The following FOXK1 variants were observed in gnomAD, a reference collection of about 807,000 sequenced individuals.
The protein encoded by FOXK1 is forkhead box K1.
In FOXK1, 19 loss-of-function variants were observed where a neutral mutation model predicts 51.9. That is an observed-to-expected ratio of 0.37 (90% CI 0.26 to 0.54). The LOEUF is 0.54. Ranked by LOEUF, FOXK1 falls within the 20% of genes least tolerant of loss-of-function variation. The pLI is 0.87. For missense variants in FOXK1, 870 were observed against 1,032.7 expected (o/e 0.84, Z 2.16); for synonymous variants, 537 against 482.6 (o/e 1.11, Z -1.48).
rs1780836074 is a variant in FOXK1, at chr7:4,755,555, A to G, written c.1050+172A>G. On this transcript the variant is annotated intron_variant, in intron 4 of 8. Coordinates refer to ENST00000328914, the MANE Select transcript of FOXK1 (RefSeq NM_001037165.2). This position sits in a 1 kb window ranked among gnomAD's most constrained non-coding sequence, Gnocchi z 6.6. Reference sequence around the variant, plus strand: ...GAGGATCAAGACCAGCCTGTGCAACATAGAGAGAACCTCTTTTCTACTAAA... The same window carrying G: ...GAGGATCAAGACCAGCCTGTGCAACGTAGAGAGAACCTCTTTTCTACTAAA... Among the ~76,000 whole-genome samples the G allele has an allele frequency of 6.6e-6, 1 of 152,170 alleles. No homozygotes were observed. Among genetic ancestry groups the G allele is most frequent in the African/African-American group, 2.4e-5 (1 of 41,442 alleles).
intron 2 of FOXK1, among the ~76,000 whole-genome samples, chr7:4,751,539 G>A (rs1391203064): frequency 6.6e-6 from 1 of 152,152 alleles, no homozygotes; most frequent in Non-Finnish European, 1.5e-5. Context: ...TGTGAGGCTC[G>A]AGCAGCCTCT....
At position 4,683,438 on chromosome 7, in the gene FOXK1, C is replaced by G. The variant is rs1397499731; in HGVS notation, c.560+570C>G. Among the ~76,000 whole-genome samples, 1 of 151,924 alleles carries G rather than the reference C, an allele frequency of 6.6e-6. No individual in the cohort carries two copies. Among genetic ancestry groups the G allele is most frequent in the African/African-American group, 2.4e-5 (1 of 41,382 alleles). On this transcript the variant is annotated intron_variant, in intron 1 of 8. Transcript: ENST00000328914. The surrounding 1 kb of genome is among the most constrained non-coding windows in gnomAD (Gnocchi z 4.5). ...CCCACTTCCTAGGCCCCCCCGGAGT[C>G]ACCCCTGACCGCTAACCCCACAAGC...
Position 4,740,909 on chromosome 7 carries a change from C to T in FOXK1, c.632C>T (p.Pro211Leu). 2 of 1,588,970 alleles carry T rather than the reference C, an allele frequency of 1.3e-6. No homozygotes were observed. The highest frequency in any genetic ancestry group is 8.6e-7 in the Non-Finnish European group (1 of 1,169,378). ...FTSLYHKEEA[P>L]ASPLRPLYPQ... is the part of the protein sequence containing the mutation. ...TCGCTCTATCACAAAGAAGAGGCCC[C>T]AGCCTCCCCGCTGCGGCCACTGTAC... is the stretch of plus-strand genomic sequence containing the variant. The change falls in exon 2 of 9, where the codon CCA (proline) becomes CTA (leucine). Residue 211 changes from proline to leucine, a missense_variant. By Grantham distance (98) the Pro-to-Leu change is moderately conservative. Around this residue, in one of 3 missense-constraint regions of FOXK1, gnomAD observed 399 missense variants for 475.6 expected, o/e 0.84. Coordinates refer to ENST00000328914, the MANE Select transcript of FOXK1 (RefSeq NM_001037165.2).
At chr7:4,739,441 T>C (rs945200774) in intron 1 of FOXK1, among the ~76,000 whole-genome samples, 1 of 152,186 alleles carries the variant, frequency 6.6e-6, no homozygotes, top group African/African-American at 2.4e-5. Flanking sequence ...TTTAACTGAG[T>C]CCCACAGTTA....
rs138574299 is a variant in FOXK1, at chr7:4,730,627, G to A, written c.561-10211G>A. Among the ~76,000 whole-genome samples the A allele has an allele frequency of 2.4e-3, 358 of 152,268 alleles. 1 individual carries two copies. The highest frequency in any genetic ancestry group is 7.5e-3 in the African/African-American group (310 of 41,552). On this transcript the variant is annotated intron_variant, in intron 1 of 8. Coordinates refer to ENST00000328914, the MANE Select transcript of FOXK1 (RefSeq NM_001037165.2). The surrounding 1 kb of genome is among the most constrained non-coding windows in gnomAD (Gnocchi z 4.7). ...TTTCCAAAGCCGCCACACTTGAGAC[G>A]TCCTTGCTGCGGGTTCGTCTGTAAC...
chr7:4,740,468 G>A (rs1206030305), intron 1 of FOXK1, among the ~76,000 whole-genome samples: 4 of 150,838 alleles, frequency 2.7e-5, no homozygotes, highest in African/African-American at 9.8e-5. Context: ...AAAATTAGCC[G>A]GGCGTGGTGG....
rs1780750124 is a variant in FOXK1, at chr7:4,749,685, C to T, written c.747-4774C>T. 6.6e-6 allele frequency among the ~76,000 whole-genome samples: 1 copy of T among 152,204 alleles called. No homozygotes were observed. On this transcript the variant is annotated intron_variant, in intron 2 of 8. Coordinates refer to ENST00000328914, the MANE Select transcript of FOXK1 (RefSeq NM_001037165.2). This position sits in a 1 kb window ranked among gnomAD's most constrained non-coding sequence, Gnocchi z 6.0. The stretch of plus-strand genomic sequence containing the variant: ...GCCGGAAGCGATAACTGTCCCGACC[C>T]TAGGCCTCTCAGGGTGGCCTTCTCA...
In FOXK1 at chr7:4,688,176, C is replaced by G. The variant is rs545413072; in HGVS notation, c.560+5308C>G. ...TCTTCACCCCCATTCACCTTTCCCC[C>G]TCGCCCCAGTTCTTTAGAAGCAAAT... On this transcript the variant is annotated intron_variant, in intron 1 of 8. Coordinates refer to ENST00000328914, the MANE Select transcript of FOXK1 (RefSeq NM_001037165.2). Among the ~76,000 whole-genome samples the G allele has an allele frequency of 2.7e-5, 4 of 149,748 alleles. No individual in the cohort carries two copies. In the East Asian group the frequency reaches 7.8e-4, roughly 29 times the overall value.
rs1329689253 is a variant in FOXK1, at chr7:4,683,614, C to A, written c.560+746C>A. On this transcript the variant is annotated intron_variant, in intron 1 of 8. Transcript: ENST00000328914. The surrounding 1 kb of genome is among the most constrained non-coding windows in gnomAD (Gnocchi z 4.5). ...CACCAGCTTGGACTCCAGGGTCACC[C>A]CAGCCTGACCTGGTTCTCAGGACCA... Among the ~76,000 whole-genome samples the A allele has an allele frequency of 6.6e-6, 1 of 152,010 alleles. No homozygotes were observed. Among genetic ancestry groups the A allele is most frequent in the Non-Finnish European group, 1.5e-5 (1 of 67,942 alleles).
intron 1 of FOXK1, among the ~76,000 whole-genome samples, chr7:4,706,018 ATATACGTGTATATACGTG>A (rs1780094387): frequency 9.3e-6 from 1 of 107,416 alleles, no homozygotes; most frequent in African/African-American, 6.9e-5. Context: ...ATATACGTAT[ATATACGTGTATATACGTG>A]TATATACGTG....
intron 2 of FOXK1, among the ~76,000 whole-genome samples, chr7:4,742,986 G>A (rs1780654723): frequency 2.0e-5 from 3 of 152,156 alleles, no homozygotes; most frequent in Admixed American, 6.5e-5. Context: ...GCTCAGGCCG[G>A]GCATGGTCAC....
chr7:4,725,366 C>T (rs997655574), intron 1 of FOXK1, among the ~76,000 whole-genome samples: 2 of 152,320 alleles, frequency 1.3e-5, no homozygotes, highest in South Asian at 2.1e-4. Context: ...GTTCAGAAAG[C>T]GGTGGGGGTG....
At chr7:4,754,214 GGA>G (rs1780813556) in intron 2 of FOXK1, among the ~76,000 whole-genome samples, 1 of 152,232 alleles carries the variant, frequency 6.6e-6, no homozygotes, top group Non-Finnish European at 1.5e-5. Flanking sequence ...AATGGCAGGA[GGA>G]GGGCCCGCGG....
rs114925852 is a variant in FOXK1 at position 4,756,146 on chromosome 7, G to A, written c.1050+763G>A. ...TGTTTGTTTTTTGAGACAGGATCTCGCTCTGCCATCCCGGCTGGAGTGTGG... is the reference window on the plus strand; with the variant it reads ...TGTTTGTTTTTTGAGACAGGATCTCACTCTGCCATCCCGGCTGGAGTGTGG... On this transcript the variant is annotated intron_variant, in intron 4 of 8. Transcript: ENST00000328914. The surrounding 1 kb of genome is among the most constrained non-coding windows in gnomAD (Gnocchi z 4.1). 8.6e-3 allele frequency among the ~76,000 whole-genome samples: 1,313 copies of A among 152,206 alleles called. 20 individuals carry two copies. Among genetic ancestry groups the A allele is most frequent in the African/African-American group, 0.03 (1,251 of 41,538 alleles).
At chr7:4,737,464 G>A (rs889417291) in intron 1 of FOXK1, among the ~76,000 whole-genome samples, 3 of 149,968 alleles carry the variant, frequency 2.0e-5, no homozygotes, top group South Asian at 2.1e-4. Flanking sequence ...ACGTGTGCAT[G>A]TGTGTGTGTG....
Position 4,767,830 on chromosome 7 carries a change from A to C in FOXK1, c.*5366A>C, listed in dbSNP as rs1269414300. The C allele has an allele frequency of 1.3e-5, 2 of 151,000 alleles. No homozygotes were observed. The highest frequency in any genetic ancestry group is 2.9e-5 in the Non-Finnish European group (2 of 67,806). 9.4% of individuals were successfully genotyped at this position (151,000 alleles called of 1,614,324 possible). A position where few individuals can be genotyped will look rare whatever the true frequency, so the allele number is the denominator to read the frequency against. On this transcript the variant is annotated 3_prime_UTR_variant, in exon 9 of 9. Transcript: ENST00000328914. The surrounding 1 kb of genome is among the most constrained non-coding windows in gnomAD (Gnocchi z 6.6). Reference sequence around the variant, plus strand: ...TTTGGTGACCAGAGGGAGGGTTTGGAATCTGTGCTTTGCAGGGGATCTCGG... The same window carrying C: ...TTTGGTGACCAGAGGGAGGGTTTGGCATCTGTGCTTTGCAGGGGATCTCGG...
chr7:4,744,021 C>T (rs549431539), intron 2 of FOXK1, among the ~76,000 whole-genome samples: 1 of 152,152 alleles, frequency 6.6e-6, no homozygotes, highest in Non-Finnish European at 1.5e-5. Flanking sequence ...GGAATACAGG[C>T]ACATGCCACC....
chr7:4,701,530 A>G (rs1376290495), intron 1 of FOXK1, among the ~76,000 whole-genome samples: 1 of 152,306 alleles, frequency 6.6e-6, no homozygotes, highest in East Asian at 1.9e-4. Flanking sequence ...CTGAGGTGGG[A>G]GGATCCCTTG....
In FOXK1 at chr7:4,682,764, C is replaced by G. The variant is rs1779768287; in HGVS notation, c.456C>G (p.Ser152Arg). The change falls in exon 1 of 9, where the codon AGC becomes AGG. Residue 152 changes from serine (S) to arginine (R), a missense_variant. Physicochemically the swap from Ser to Arg is moderately radical, Grantham distance 110. This residue lies in a region of FOXK1 where 399 missense variants were observed against 475.6 expected (regional missense o/e 0.84). Transcript: ENST00000328914. The surrounding 1 kb of genome is among the most constrained non-coding windows in gnomAD (Gnocchi z 7.6). ...SFISRRHLQL[S>R]FQEPHFYLRC... The stretch of plus-strand genomic sequence containing the variant: ...TCTCGCGGCGCCACCTGCAGCTCAG[C>G]TTCCAGGAGCCGCACTTCTACCTGC... 6.3e-7 allele frequency: 1 copy of G among 1,597,234 alleles called. No homozygotes were observed. Among genetic ancestry groups the G allele is most frequent in the Non-Finnish European group, 8.5e-7 (1 of 1,176,914 alleles).
Sources: allele counts gnomAD v4.1 joint callset (sites outside exome capture counted in the v4.1 genomes callset), GRCh38; gene constraint gnomAD v4.1.1; regional missense constraint gnomAD v4.1.1; non-coding constraint Gnocchi (gnomAD v3.1); transcripts MANE v1.5; gene names NCBI Gene and HGNC (gene_info 2026-07-23, HGNC 2026-07-21).